The following CAMSAP1 variants were observed in gnomAD, a reference collection of about 807,000 sequenced individuals.
CAMSAP1 encodes the protein calmodulin-regulated spectrin-associated protein 1.
In CAMSAP1, 58 loss-of-function variants were observed where a neutral mutation model predicts 143.5. The observed-to-expected ratio is 0.40, with a 90% CI of 0.33 to 0.50. The LOEUF (loss-of-function observed/expected upper bound fraction) is 0.50, where lower values mean the gene tolerates loss of function less well. Ranked by LOEUF, CAMSAP1 falls within the 20% of genes least tolerant of loss-of-function variation. CAMSAP1 has a pLI of 0.45. For missense variants in CAMSAP1, 1,969 were observed against 2,115.7 expected (o/e 0.93, Z 1.36); for synonymous variants, 945 against 859.3 (o/e 1.10, Z -1.74).
chr9:135,882,339 T>G lies in CAMSAP1; in HGVS notation c.423+477A>C, dbSNP rs1312038051. 6.6e-6 allele frequency among the ~76,000 whole-genome samples: 1 copy of G among 151,848 alleles called. No individual in the cohort carries two copies. Among genetic ancestry groups the G allele is most frequent in the East Asian group, 1.9e-4 (1 of 5,174 alleles). ...CATGGGAGCAACCAAACAAAGGCAG[T>G]GCAGGAGGCACCGAGAATGGCCCTG... On this transcript the variant is annotated intron_variant, in intron 2 of 16. Transcript: ENST00000389532. The surrounding 1 kb of genome is among the most constrained non-coding windows in gnomAD (Gnocchi z 4.9).
At chr9:135,881,482 C>T in intron 3 of CAMSAP1, 151 bp downstream of exon 3, 1 of 873,220 alleles carries the variant, frequency 1.1e-6, no homozygotes, top group Non-Finnish European at 1.8e-6. Flanking sequence ...TTCTTTTTAA[C>T]TACAGCAGAC....
At chr9:135,854,252 A>G (rs547769657) in intron 5 of CAMSAP1, among the ~76,000 whole-genome samples, 1 of 152,322 alleles carries the variant, frequency 6.6e-6, no homozygotes, top group African/African-American at 2.4e-5. Flanking sequence ...TTTGGCTTCA[A>G]AGAAGATTGC....
At position 135,850,365 on chromosome 9, in the gene CAMSAP1, T is replaced by C; in HGVS notation, c.905A>G (p.Tyr302Cys). The C allele has an allele frequency of 6.2e-7, 1 of 1,611,126 alleles. No individual in the cohort carries two copies. Among genetic ancestry groups the C allele is most frequent in the Admixed American group, 1.7e-5 (1 of 59,382 alleles). ...FSNEYLNKCF[Y>C]LTLEDMLYAP... ...ATACAGCATATCTTCCAAGGTGAGA[T>C]AAAAACATTTATTAAGATATTCATT... Residue 302 changes from tyrosine (Y) to cysteine (C), a missense_variant, in exon 6 of 17, where the codon TAT becomes TGT. By Grantham distance (194) the Tyr-to-Cys change is radical. Around this residue, in one of 4 missense-constraint regions of CAMSAP1, gnomAD observed 221 missense variants for 298.2 expected, o/e 0.74. Coordinates refer to ENST00000389532, the MANE Select transcript of CAMSAP1 (RefSeq NM_015447.4).
intron 7 of CAMSAP1, among the ~76,000 whole-genome samples, chr9:135,832,010 C>T (rs1367115532): frequency 6.6e-6 from 1 of 152,138 alleles, no homozygotes; most frequent in African/African-American, 2.4e-5. Flanking sequence ...CTGAATTCTA[C>T]CAATTCTTCT....
chr9:135,854,063 C>T (rs1036107970), intron 5 of CAMSAP1, among the ~76,000 whole-genome samples: 7 of 152,226 alleles, frequency 4.6e-5, no homozygotes, highest in African/African-American at 1.4e-4. Context: ...GGAATAATCC[C>T]CTTTTGGGCC....
chr9:135,860,968 C>T (rs1278697872), intron 5 of CAMSAP1, among the ~76,000 whole-genome samples: 4 of 152,194 alleles, frequency 2.6e-5, no homozygotes, highest in Non-Finnish European at 4.4e-5. Context: ...AACATTCAAC[C>T]AGTATTCCCA....
chr9:135,814,657 C>T (rs1172940875), intron 16 of CAMSAP1, among the ~76,000 whole-genome samples: 1 of 152,142 alleles, frequency 6.6e-6, no homozygotes, highest in Non-Finnish European at 1.5e-5. Context: ...CCTCCGTCCT[C>T]GGTCCTCCCC....
chr9:135,877,302 A>T (rs1837785098), intron 3 of CAMSAP1, among the ~76,000 whole-genome samples: 1 of 151,956 alleles, frequency 6.6e-6, no homozygotes, highest in Non-Finnish European at 1.5e-5. Context: ...AAACTAATCC[A>T]CCGTGAAGAT....
intron 3 of CAMSAP1, among the ~76,000 whole-genome samples, chr9:135,880,830 G>C (rs912248250): frequency 7.9e-5 from 12 of 152,054 alleles, no homozygotes; most frequent in Non-Finnish European, 1.8e-4. Context: ...ACTAACCAAA[G>C]GCTCCGGTAA....
At chr9:135,866,167 C>G (rs1315185882) in intron 4 of CAMSAP1, among the ~76,000 whole-genome samples, 1 of 152,190 alleles carries the variant, frequency 6.6e-6, no homozygotes, top group Non-Finnish European at 1.5e-5. Context: ...AAGCTAGCAC[C>G]CAGGTGGGCC....
intron 7 of CAMSAP1, chr9:135,836,729 T>C: frequency 1.0e-6 from 1 of 983,516 alleles, no homozygotes; most frequent in Non-Finnish European, 1.2e-6. Flanking sequence ...CCACGCACTT[T>C]CTACCCATTC....
intron 1 of CAMSAP1, among the ~76,000 whole-genome samples, chr9:135,901,584 C>T (rs909125975): frequency 6.6e-6 from 1 of 152,074 alleles, no homozygotes; most frequent in African/African-American, 2.4e-5. Context: ...CACTGTACTC[C>T]AGCCTGGGCA....
At chr9:135,877,013 A>C (rs1324544029) in intron 3 of CAMSAP1, among the ~76,000 whole-genome samples, 1 of 152,146 alleles carries the variant, frequency 6.6e-6, no homozygotes, top group Admixed American at 6.5e-5. Context: ...CATCTAAAAA[A>C]AGAAAGAAAT....
At chr9:135,868,959 T>C (rs1336261808) in intron 3 of CAMSAP1, among the ~76,000 whole-genome samples, 1 of 152,120 alleles carries the variant, frequency 6.6e-6, no homozygotes, top group Non-Finnish European at 1.5e-5. Context: ...TACTGTGTCA[T>C]GAAATGTGAC....
chr9:135,837,822 TACAG>T (rs1836143462), intron 7 of CAMSAP1, among the ~76,000 whole-genome samples: 1 of 151,710 alleles, frequency 6.6e-6, no homozygotes. Flanking sequence ...CTGCCCGTTG[TACAG>T]ACACACGTCA....
At chr9:135,838,724 A>ACAT (rs527910702) in intron 7 of CAMSAP1, among the ~76,000 whole-genome samples, 1 of 148,290 alleles carries the variant, frequency 6.7e-6, no homozygotes, top group South Asian at 2.1e-4. Context: ...CTACAGACAC[A>ACAT]CATCATCATG....
rs767882105 is a variant in CAMSAP1, at chr9:135,822,579, T to C, written c.2082A>G (p.Gly694=). ...GAAGGAAGAAGCCATCCGTGGATGG[T>C]CCCTGGGGGAACGGATCGAATCCGC... is the stretch of plus-strand genomic sequence containing the variant. ...ALGGFDPFPQ[G]PSTDGFFLHV... Residue 694 remains glycine, a synonymous_variant, in exon 11 of 17, where the codon GGA becomes GGG. Transcript: ENST00000389532. This position sits in a 1 kb window ranked among gnomAD's most constrained non-coding sequence, Gnocchi z 6.1. 1 of 1,612,968 alleles carries C rather than the reference T, an allele frequency of 6.2e-7. No individual in the cohort carries two copies. The highest frequency in any genetic ancestry group is 1.3e-5 in the African/African-American group (1 of 74,606).
intron 1 of CAMSAP1, among the ~76,000 whole-genome samples, chr9:135,892,867 A>AAAAAAAG (rs1554800261): frequency 3.4e-5 from 5 of 147,828 alleles, no homozygotes; most frequent in African/African-American, 5.1e-5. Flanking sequence ...AAAAAAAAAA[A>AAAAAAAG]GAACTAATCA....
chr9:135,856,510 CCTT>C (rs1394347754), intron 5 of CAMSAP1, among the ~76,000 whole-genome samples: 2 of 152,292 alleles, frequency 1.3e-5, no homozygotes, highest in Non-Finnish European at 2.9e-5. Context: ...CCATTCCACT[CCTT>C]CTGCCTGTGG....
Sources: allele counts gnomAD v4.1 joint callset (sites outside exome capture counted in the v4.1 genomes callset), GRCh38; gene constraint gnomAD v4.1.1; regional missense constraint gnomAD v4.1.1; non-coding constraint Gnocchi (gnomAD v3.1); transcripts MANE v1.5; gene names NCBI Gene and HGNC (gene_info 2026-07-23, HGNC 2026-07-21).